The following OR2L13 variants were observed in gnomAD, a reference collection of about 807,000 sequenced individuals.
OR2L13 encodes olfactory receptor 2L13.
In OR2L13, 14 loss-of-function variants were observed where a neutral mutation model predicts 15.3. That is an observed-to-expected ratio of 0.91 (90% CI 0.60 to 1.43). OR2L13 has a LOEUF of 1.43. OR2L13 is among the 40% of genes most tolerant of loss of function. The pLI is 0.00. For synonymous variants in OR2L13, 152 were observed against 142.9 expected (o/e 1.06, Z -0.45); for missense variants, 367 against 387.9 (o/e 0.95, Z 0.45).
chr1:248,022,244 G>T, the OR2L13 span: 1 of 1,614,132 alleles, frequency 6.2e-7, no homozygotes, highest in Non-Finnish European at 8.5e-7. Context: ...GTGGGATTCA[G>T]AGTTTCTTCT....
At chr1:247,959,647 T>C in the OR2L13 span, among the ~76,000 whole-genome samples, 2 of 152,232 alleles carry the variant, frequency 1.3e-5, no homozygotes, top group African/African-American at 2.4e-5. Flanking sequence ...CATTTCTTTT[T>C]ATTCTTTTTT....
At chr1:247,975,889 G>C in the OR2L13 span, among the ~76,000 whole-genome samples, 1 of 151,948 alleles carries the variant, frequency 6.6e-6, no homozygotes, top group African/African-American at 2.4e-5. Flanking sequence ...CCACTAAATT[G>C]TGGGCAGTAG....
the OR2L13 span, among the ~76,000 whole-genome samples, chr1:248,027,871 A>T: frequency 6.6e-5 from 10 of 151,984 alleles, no homozygotes; most frequent in East Asian, 1.9e-3. Context: ...CCCTAAAAAC[A>T]TGTCCACACC....
At chr1:248,096,300 G>A (rs1047511852), upstream of OR2L13, among the ~76,000 whole-genome samples, 4 of 151,630 alleles carry the variant, frequency 2.6e-5, no homozygotes, top group African/African-American at 7.3e-5. Context: ...GGAGAAGGGC[G>A]TGAACCCGGG....
the OR2L13 span, chr1:248,061,688 T>C: frequency 3.7e-6 from 5 of 1,358,162 alleles, 1 homozygote; most frequent in Non-Finnish European, 4.9e-6. Context: ...GTAATTAAAA[T>C]ATTATTTCAA....
the OR2L13 span, among the ~76,000 whole-genome samples, chr1:247,967,600 A>G: frequency 7.9e-5 from 12 of 152,162 alleles, no homozygotes; most frequent in African/African-American, 2.9e-4. Flanking sequence ...TTTTAGTATC[A>G]ATATTCCATT....
At chr1:248,002,256 A>G in the OR2L13 span, among the ~76,000 whole-genome samples, 1 of 152,306 alleles carries the variant, frequency 6.6e-6, no homozygotes, top group East Asian at 1.9e-4. Context: ...ATTTTTTATT[A>G]GGGCAAATAT....
chr1:248,072,442 G>C, the OR2L13 span, among the ~76,000 whole-genome samples: 5 of 152,144 alleles, frequency 3.3e-5, no homozygotes, highest in African/African-American at 1.2e-4. Context: ...AGCTGAAACT[G>C]GATCCCTTCC....
At chr1:248,041,411 A>G in the OR2L13 span, 6 of 152,320 alleles carry the variant, frequency 3.9e-5, no homozygotes, top group South Asian at 2.1e-4. Context: ...AAACCCTAGA[A>G]GAAAACCTAG....
At chr1:248,001,793 T>C in the OR2L13 span, among the ~76,000 whole-genome samples, 12 of 152,088 alleles carry the variant, frequency 7.9e-5, no homozygotes, top group Non-Finnish European at 1.6e-4. Flanking sequence ...TTGGCAGTCC[T>C]AAAACACAGC....
chr1:248,022,288 T>C, the OR2L13 span: 1 of 1,614,208 alleles, frequency 6.2e-7, no homozygotes, highest in South Asian at 1.1e-5. Context: ...GCGCTGCTCC[T>C]GACATCAATG....
the OR2L13 span, among the ~76,000 whole-genome samples, chr1:248,001,153 A>T: frequency 6.6e-6 from 1 of 152,256 alleles, no homozygotes; most frequent in South Asian, 2.1e-4. Context: ...AGAGAAGTTT[A>T]CTGAAAATCT....
the OR2L13 span, among the ~76,000 whole-genome samples, chr1:247,980,482 T>C: frequency 6.6e-6 from 1 of 152,156 alleles, no homozygotes; most frequent in Admixed American, 6.5e-5. Flanking sequence ...ACATATAAAA[T>C]GTAGGATTTC....
At chr1:248,021,831 A>T in the OR2L13 span, 1 of 709,792 alleles carries the variant, frequency 1.4e-6, no homozygotes, top group Non-Finnish European at 2.5e-6. Context: ...TTCAGTGTCA[A>T]CTGCAATTTC....
the OR2L13 span, among the ~76,000 whole-genome samples, chr1:248,021,209 A>C: frequency 4.6e-5 from 7 of 152,210 alleles, no homozygotes; most frequent in African/African-American, 1.7e-4. Flanking sequence ...TTTTCCTATA[A>C]ATGTATATAT....
At chr1:247,982,723 T>G in the OR2L13 span, among the ~76,000 whole-genome samples, 1 of 152,160 alleles carries the variant, frequency 6.6e-6, no homozygotes, top group Non-Finnish European at 1.5e-5. Context: ...GTATGGTTGT[T>G]GCTGGATCAA....
the OR2L13 span, among the ~76,000 whole-genome samples, chr1:248,077,810 T>C: frequency 0.15 from 22,896 of 152,102 alleles, 3,286 homozygotes; most frequent in African/African-American, 0.38. Context: ...ATATATTTAT[T>C]AGTACATAAA....
chr1:248,055,038 C>T, the OR2L13 span, among the ~76,000 whole-genome samples: 2 of 152,224 alleles, frequency 1.3e-5, no homozygotes, highest in East Asian at 3.9e-4. Context: ...GGAATGCTTC[C>T]AGTTTTTGCC....
At chr1:248,048,596 C>T in the OR2L13 span, among the ~76,000 whole-genome samples, 1 of 152,076 alleles carries the variant, frequency 6.6e-6, no homozygotes, top group South Asian at 2.1e-4. Context: ...GTACAGACAG[C>T]TTGTTTTAAG....
Sources: gnomAD v4.1 joint callset for allele counts (sites outside exome capture counted in the v4.1 genomes callset) on GRCh38, gnomAD v4.1.1 for gene constraint, MANE v1.5 for transcripts, NCBI Gene and HGNC (gene_info 2026-07-23, HGNC 2026-07-21) for gene names.